Variants in TFEC observed in about 807,000 individuals in gnomAD.
TFEC encodes class E basic helix-loop-helix protein 34.
TFEC carries 31 observed loss-of-function variants against 41.6 expected under a neutral mutation model. The observed-to-expected ratio is 0.74, with a 90% confidence interval of 0.56 to 1.01. TFEC has a LOEUF of 1.01. Ranked by LOEUF, TFEC falls within the 50% of genes least tolerant of loss-of-function variation. The pLI is 0.00. For missense variants in TFEC, 402 were observed against 404.1 expected, an observed-to-expected ratio of 0.99 and a Z score of 0.04; for synonymous variants, 143 against 140.6, an observed-to-expected ratio of 1.02 and a Z score of -0.12.
chr7:116,147,935 G>A (rs959612595), intron 1 of TFEC, among the ~76,000 whole-genome samples: 6 of 152,254 alleles, frequency 3.9e-5, no homozygotes, highest in South Asian at 2.1e-4. Flanking sequence ...ATGGGGGGAA[G>A]AGCCAATAAA....
intron 1 of TFEC, among the ~76,000 whole-genome samples, chr7:116,130,584 C>T (rs1312552118): frequency 6.6e-6 from 1 of 152,094 alleles, no homozygotes; most frequent in Non-Finnish European, 1.5e-5. Flanking sequence ...TGTCTTCAGT[C>T]CTGCTGTCTT....
At chr7:116,041,280 G>A (rs1440257048) in intron 3 of TFEC, among the ~76,000 whole-genome samples, 2 of 150,886 alleles carry the variant, frequency 1.3e-5, no homozygotes. Context: ...AAGAAAGGAA[G>A]CATTAAAAAA....
intron 3 of TFEC, among the ~76,000 whole-genome samples, chr7:115,963,001 A>T (rs1022421135): frequency 2.8e-5 from 4 of 142,490 alleles, no homozygotes; most frequent in Non-Finnish European, 4.6e-5. Context: ...TCCCTCCCCC[A>T]GTCCCCCTCT....
chr7:116,125,290 A>C (rs80079904), intron 1 of TFEC, among the ~76,000 whole-genome samples: 8,830 of 152,282 alleles, frequency 0.058, 320 homozygotes, highest in Non-Finnish European at 0.089. Context: ...AAAGGCACTG[A>C]GTTGATAAAG....
chr7:116,024,663 A>G (rs754248218), intron 1 of TFEC, among the ~76,000 whole-genome samples: 9 of 152,196 alleles, frequency 5.9e-5, no homozygotes, highest in Non-Finnish European at 1.2e-4. Context: ...TTGATACTCA[A>G]TACAACTCTT....
At chr7:116,037,108 A>G (rs975096004) in intron 3 of TFEC, among the ~76,000 whole-genome samples, 2 of 152,108 alleles carry the variant, frequency 1.3e-5, no homozygotes, top group African/African-American at 4.8e-5. Flanking sequence ...TCAAAAAAGA[A>G]AGAATAATTT....
At chr7:115,995,131 A>G (rs988217419) in intron 1 of TFEC, among the ~76,000 whole-genome samples, 1 of 145,996 alleles carries the variant, frequency 6.8e-6, no homozygotes, top group South Asian at 2.3e-4. Context: ...CTCACTCATA[A>G]GTGGGAATTG....
At chr7:115,994,264 C>T (rs1300441859) in intron 1 of TFEC, among the ~76,000 whole-genome samples, 2 of 152,096 alleles carry the variant, frequency 1.3e-5, no homozygotes, top group East Asian at 3.8e-4. Context: ...TAGAAGAAAA[C>T]CTAGGCAATA....
rs573115565 is a variant in TFEC at position 116,070,654 on chromosome 7, C to T, written c.198+40054G>A. On this transcript the variant is annotated intron_variant, in intron 3 of 8. Coordinates refer to the TFEC transcript ENST00000484212. ...GTCAGAAATGTTCTCTTTTAATATA[C>T]ATCACAATAAACATTATTGTCTCCT... Among the ~76,000 whole-genome samples, 97 of 151,504 alleles carry T rather than the reference C, an allele frequency of 6.4e-4. 1 individual carries two copies. The highest frequency in any genetic ancestry group is 2.2e-3 in the African/African-American group (92 of 41,504).
rs1393624514 is a variant in TFEC, at chr7:115,941,930, A to G, written c.626T>C (p.Leu209Ser). 6.2e-7 allele frequency: 1 copy of G among 1,613,150 alleles called. No homozygotes were observed. The highest frequency in any genetic ancestry group is 1.1e-5 in the South Asian group (1 of 91,046). Residue 209 changes from leucine (L) to serine (S), a missense_variant, in exon 7 of 8, where the codon TTA (leucine) becomes TCA (serine). Physicochemically the swap from Leu to Ser is moderately radical, Grantham distance 145. Transcript: ENST00000265440. ...TAGAAGTCGCCTGTTAGCCTGCTCT[A>G]ATTTCTTCTGTCTGTGTTCCAATTC... ...ARELEHRQKK[L>S]EQANRRLLLR...
intron 3 of TFEC, among the ~76,000 whole-genome samples, chr7:116,070,430 C>T (rs1038993802): frequency 6.6e-6 from 1 of 151,360 alleles, no homozygotes; most frequent in African/African-American, 2.4e-5. Flanking sequence ...TAAGCAACGA[C>T]TGAACCAATA....
intron 1 of TFEC, among the ~76,000 whole-genome samples, chr7:116,018,297 C>T (rs111443746): frequency 3.3e-5 from 5 of 152,286 alleles, no homozygotes; most frequent in African/African-American, 1.2e-4. Flanking sequence ...TCATACTCTT[C>T]ATCTGCTTTA....
At chr7:115,955,270 A>G (rs763586963) in intron 4 of TFEC, among the ~76,000 whole-genome samples, 10 of 152,034 alleles carry the variant, frequency 6.6e-5, no homozygotes, top group Admixed American at 6.6e-4. Context: ...ATTCCCTCCC[A>G]CATTAAATAA....
intron 3 of TFEC, among the ~76,000 whole-genome samples, chr7:115,971,708 C>T (rs1158245298): frequency 3.3e-5 from 5 of 151,910 alleles, no homozygotes; most frequent in Admixed American, 6.6e-5. Context: ...TAATCAGAAA[C>T]TTCCTCTTTC....
chr7:116,046,374 C>T (rs12154636), intron 3 of TFEC, among the ~76,000 whole-genome samples: 20,402 of 152,118 alleles, frequency 0.13, 1,820 homozygotes, highest in Non-Finnish European at 0.2. Context: ...GTGCTATTCT[C>T]GTGATAGTGA....
intron 3 of TFEC, among the ~76,000 whole-genome samples, chr7:115,969,281 G>A (rs1793021413): frequency 6.6e-6 from 1 of 151,798 alleles, no homozygotes; most frequent in African/African-American, 2.4e-5. Flanking sequence ...GCATTCTACA[G>A]GGGGAAGCAT....
chr7:116,054,951 A>T (rs1369559922), intron 3 of TFEC, among the ~76,000 whole-genome samples: 1 of 152,144 alleles, frequency 6.6e-6, no homozygotes, highest in African/African-American at 2.4e-5. Context: ...ACTGTATTCC[A>T]GGATCTTATA....
chr7:116,081,977 G>A (rs1797101362), intron 3 of TFEC, among the ~76,000 whole-genome samples: 1 of 151,766 alleles, frequency 6.6e-6, no homozygotes, highest in East Asian at 1.9e-4. Context: ...TGTATTTAGT[G>A]GATCCTTTCT....
chr7:116,127,690 TCAAAAAAAAAA>T (rs1368192725), intron 1 of TFEC, among the ~76,000 whole-genome samples: 2 of 70,658 alleles, frequency 2.8e-5, no homozygotes, highest in Non-Finnish European at 5.4e-5. Context: ...AGAGTCAGTG[TCAAAAAAAAAA>T]AAAAAAAAGA....
Sources: allele counts gnomAD v4.1 joint callset (sites outside exome capture counted in the v4.1 genomes callset), GRCh38; gene constraint gnomAD v4.1.1; transcripts MANE v1.5; gene names NCBI Gene and HGNC (gene_info 2026-07-23, HGNC 2026-07-21).